GAP43: variants seen among roughly 807,000 people sequenced by gnomAD.
GAP43 encodes neuromodulin.
A neutral mutation model predicts 18.6 loss-of-function variants in GAP43; 6 were observed. That is an observed-to-expected ratio of 0.32 (90% CI 0.18 to 0.64). The LOEUF (loss-of-function observed/expected upper bound fraction) is 0.64, where lower values mean the gene tolerates loss of function less well. Ranked by LOEUF, GAP43 falls within the 30% of genes least tolerant of loss-of-function variation. GAP43 has a pLI of 0.78. For synonymous variants in GAP43, 115 were observed against 111.4 expected (o/e 1.03, Z -0.20); for missense variants, 292 against 295.5 (o/e 0.99, Z 0.09).
chr3:115,624,822 A>G (rs1708165109), intron 1 of GAP43, among the ~76,000 whole-genome samples: 1 of 146,786 alleles, frequency 6.8e-6, no homozygotes, highest in Admixed American at 6.9e-5. Flanking sequence ...AATGCATTTG[A>G]GTGATTTTGG....
intron 1 of GAP43, among the ~76,000 whole-genome samples, chr3:115,675,778 A>G (rs2107489210): frequency 6.6e-6 from 1 of 151,286 alleles, no homozygotes; most frequent in Non-Finnish European, 1.5e-5. Flanking sequence ...AAAAAAAAAA[A>G]AAAAAAAAAA....
chr3:115,630,004 C>T (rs1181401227), intron 1 of GAP43, among the ~76,000 whole-genome samples: 1 of 152,142 alleles, frequency 6.6e-6, no homozygotes, highest in African/African-American at 2.4e-5. Flanking sequence ...TCTCTGAACT[C>T]TCATAGCTGG....
intron 2 of GAP43, among the ~76,000 whole-genome samples, chr3:115,707,826 C>T (rs1709383496): frequency 6.6e-6 from 1 of 151,936 alleles, no homozygotes; most frequent in South Asian, 2.1e-4. Context: ...CATTGGGGTT[C>T]CTTTTTATAA....
chr3:115,668,895 T>G (rs533264619), intron 1 of GAP43, among the ~76,000 whole-genome samples: 2 of 151,976 alleles, frequency 1.3e-5, no homozygotes, highest in African/African-American at 4.8e-5. Context: ...ATATAAAAAT[T>G]AGCTGGGCAT....
chr3:115,716,967 A>G (rs1709517319), intron 2 of GAP43, among the ~76,000 whole-genome samples: 1 of 151,748 alleles, frequency 6.6e-6, no homozygotes, highest in Admixed American at 6.6e-5. Flanking sequence ...TTCAGTGCCG[A>G]ATTGCTAAAA....
chr3:115,666,738 A>G (rs1445987790), intron 1 of GAP43, among the ~76,000 whole-genome samples: 1 of 152,066 alleles, frequency 6.6e-6, no homozygotes, highest in Non-Finnish European at 1.5e-5. Context: ...CACATGTCTA[A>G]CTCCGCAGCC....
chr3:115,707,435 A>G (rs1709378482), intron 2 of GAP43, among the ~76,000 whole-genome samples: 1 of 152,060 alleles, frequency 6.6e-6, no homozygotes, highest in Non-Finnish European at 1.5e-5. Flanking sequence ...GATGACAGGT[A>G]CATGCCACCA....
intron 1 of GAP43, among the ~76,000 whole-genome samples, chr3:115,637,756 G>A (rs766852266): frequency 1.5e-4 from 23 of 151,804 alleles, no homozygotes; most frequent in South Asian, 2.1e-4. Context: ...TTGCTGACCC[G>A]CAGGAACCCC....
At chr3:115,690,072 A>G (rs562223719) in intron 2 of GAP43, among the ~76,000 whole-genome samples, 1 of 152,320 alleles carries the variant, frequency 6.6e-6, no homozygotes, top group South Asian at 2.1e-4. Context: ...TGCTGGTAAA[A>G]GATGGTTTTA....
chr3:115,649,951 G>A (rs1295934567), intron 1 of GAP43, among the ~76,000 whole-genome samples: 1 of 152,092 alleles, frequency 6.6e-6, no homozygotes, highest in Non-Finnish European at 1.5e-5. Flanking sequence ...AAACCTTCAG[G>A]GGAGTTTACT....
At chr3:115,681,701 C>G (rs1708959549) in intron 2 of GAP43, among the ~76,000 whole-genome samples, 2 of 152,174 alleles carry the variant, frequency 1.3e-5, no homozygotes, top group South Asian at 4.1e-4. Context: ...TAATAGGTAG[C>G]ACTTAATGAG....
At chr3:115,636,211 T>G (rs931128363) in intron 1 of GAP43, among the ~76,000 whole-genome samples, 11 of 152,254 alleles carry the variant, frequency 7.2e-5, no homozygotes, top group African/African-American at 2.6e-4. Flanking sequence ...CTAACTATCT[T>G]CTTTGCAAAT....
chr3:115,666,332 G>T (rs1708732579), intron 1 of GAP43, among the ~76,000 whole-genome samples: 1 of 152,190 alleles, frequency 6.6e-6, no homozygotes, highest in East Asian at 1.9e-4. Context: ...ATATAGCTCA[G>T]TAGTACTGTC....
At chr3:115,709,764 G>T (rs774724092) in intron 2 of GAP43, among the ~76,000 whole-genome samples, 1 of 151,842 alleles carries the variant, frequency 6.6e-6, no homozygotes, top group Non-Finnish European at 1.5e-5. Flanking sequence ...CAGTCATATT[G>T]TAACTGTCCT....
intron 1 of GAP43, chr3:115,658,511 A>C (rs1708614953): frequency 6.6e-6 from 1 of 152,118 alleles, no homozygotes; most frequent in South Asian, 2.1e-4. Context: ...GCCGTCAGTC[A>C]CCGGCTCTCT....
intron 1 of GAP43, among the ~76,000 whole-genome samples, chr3:115,673,957 C>G (rs1215498632): frequency 6.6e-6 from 1 of 152,168 alleles, no homozygotes. Context: ...TTCAAAAATA[C>G]TTTTGTGTAT....
chr3:115,649,341 GC>G (rs1305314480), intron 1 of GAP43, among the ~76,000 whole-genome samples: 1 of 152,044 alleles, frequency 6.6e-6, no homozygotes, highest in African/African-American at 2.4e-5. Context: ...TAATACTATT[GC>G]ATTAGGGATT....
chr3:115,649,934 G>GA (rs780416289), intron 1 of GAP43, among the ~76,000 whole-genome samples: 32 of 152,034 alleles, frequency 2.1e-4, no homozygotes, highest in Non-Finnish European at 3.7e-4. Context: ...GGAAAAATGG[G>GA]AAAGAAAAAC....
chr3:115,703,085 A>G lies in GAP43; in HGVS notation c.629-17709A>G, dbSNP rs112046396. Among the ~76,000 whole-genome samples, 439 of 152,244 alleles carry G rather than the reference A, an allele frequency of 2.9e-3. 1 individual carries two copies. The highest frequency in any genetic ancestry group is 8.9e-3 in the African/African-American group (369 of 41,550). On this transcript the variant is annotated intron_variant, in intron 2 of 2. Coordinates refer to ENST00000305124, the MANE Select transcript of GAP43 (RefSeq NM_002045.4). ...GTAAAGGTCAACAGTCAAAATAAAG[A>G]GTACTTAAGGAAAGATAAAGAACAA...
Sources: allele counts gnomAD v4.1 joint callset (sites outside exome capture counted in the v4.1 genomes callset), GRCh38; gene constraint gnomAD v4.1.1; transcripts MANE v1.5; gene names NCBI Gene and HGNC (gene_info 2026-07-23, HGNC 2026-07-21).